ARFIP1: variants seen among roughly 807,000 people sequenced by gnomAD.
ARFIP1 encodes ARF interacting protein 1, also known as arfaptin-1.
A neutral mutation model predicts 42.5 loss-of-function variants in ARFIP1; 24 were observed. The ratio of observed to expected loss-of-function variants is 0.57; its 90% confidence interval spans 0.41 to 0.80. The LOEUF (loss-of-function observed/expected upper bound fraction) is 0.80. Among genes scored for constraint, ARFIP1 ranks in the 30% least tolerant of loss-of-function variants. ARFIP1 has a pLI of 0.00. For missense variants in ARFIP1, 354 were observed against 434.0 expected (o/e 0.82, Z 1.64); for synonymous variants, 141 against 153.7 (o/e 0.92, Z 0.61).
chr4:152,900,262 C>T (rs770127052), intron 8 of ARFIP1, among the ~76,000 whole-genome samples: 5 of 152,026 alleles, frequency 3.3e-5, no homozygotes, highest in Admixed American at 2.0e-4. Flanking sequence ...AGAAAATCTC[C>T]GCACTCAGAA....
chr4:152,903,451 A>T (rs576379647), intron 8 of ARFIP1, among the ~76,000 whole-genome samples: 1 of 152,174 alleles, frequency 6.6e-6, no homozygotes, highest in Admixed American at 6.5e-5. Context: ...CTTATATTTG[A>T]GGATTAAATT....
At chr4:152,799,012 C>T (rs1011586595) in intron 1 of ARFIP1, among the ~76,000 whole-genome samples, 3 of 152,176 alleles carry the variant, frequency 2.0e-5, no homozygotes, top group African/African-American at 7.2e-5. Flanking sequence ...TTACATAGGT[C>T]ACAAAAACTA....
intron 6 of ARFIP1, among the ~76,000 whole-genome samples, chr4:152,881,385 A>AT (rs1270744711): frequency 6.6e-6 from 1 of 152,172 alleles, no homozygotes; most frequent in Non-Finnish European, 1.5e-5. Flanking sequence ...ATGAATTATC[A>AT]TATGTATATA....
At chr4:152,791,461 T>C (rs1360246290) in intron 1 of ARFIP1, among the ~76,000 whole-genome samples, 1 of 152,210 alleles carries the variant, frequency 6.6e-6, no homozygotes, top group Non-Finnish European at 1.5e-5. Context: ...ACTTGAAAAT[T>C]AATATTCAGT....
In ARFIP1 at chr4:152,836,467, T is replaced by C. The variant is rs564458451; in HGVS notation, c.93+6741T>C. ...GAAAAAAAGACTATCCTTCCTCCAC[T>C]GGGGGCTTTGTTTTCAGATGATTGT... On this transcript the variant is annotated intron_variant, in intron 2 of 8. Coordinates refer to ENST00000353617, the MANE Select transcript of ARFIP1 (RefSeq NM_001025595.3). Among the ~76,000 whole-genome samples, 15 of 152,324 alleles carry C rather than the reference T, an allele frequency of 9.8e-5. No individual in the cohort carries two copies. The South Asian group carries it at 2.7e-3, about 27-fold the overall frequency.
intron 3 of ARFIP1, among the ~76,000 whole-genome samples, chr4:152,864,799 A>G (rs1056205753): frequency 6.6e-6 from 1 of 152,198 alleles, no homozygotes; most frequent in Non-Finnish European, 1.5e-5. Flanking sequence ...TAAGGATAGC[A>G]GTTAGACCTG....
intron 1 of ARFIP1, among the ~76,000 whole-genome samples, chr4:152,812,196 TTTG>T (rs1213057657): frequency 6.6e-6 from 1 of 152,168 alleles, no homozygotes; most frequent in Admixed American, 6.5e-5. Context: ...TCTTCTGCCT[TTTG>T]TTGTTGTTGT....
At chr4:152,895,254 C>T (rs1216294081) in intron 8 of ARFIP1, among the ~76,000 whole-genome samples, 1 of 152,134 alleles carries the variant, frequency 6.6e-6, no homozygotes, top group Non-Finnish European at 1.5e-5. Flanking sequence ...ATGGAGTGAA[C>T]TGAAGGCTTC....
At chr4:152,872,805 T>C (rs939195761) in intron 5 of ARFIP1, among the ~76,000 whole-genome samples, 2 of 152,182 alleles carry the variant, frequency 1.3e-5, no homozygotes, top group Non-Finnish European at 2.9e-5. Context: ...ATAATGTACA[T>C]AATTGAAGAC....
rs1738899656 is a variant in ARFIP1 at position 152,912,253 on chromosome 4, A to G, written c.*2034A>G. ...TAGCCAATGGTACATTTACTTTGTT[A>G]GGAATGTAATTTATGTTCATTATAG... On this transcript the variant is annotated 3_prime_UTR_variant, in exon 9 of 9. Coordinates refer to ENST00000353617, the MANE Select transcript of ARFIP1 (RefSeq NM_001025595.3). The G allele has an allele frequency of 6.6e-6, 1 of 152,210 alleles. No homozygotes were observed. The highest frequency in any genetic ancestry group is 1.5e-5 in the Non-Finnish European group (1 of 68,022). The allele number at this position is 152,210 out of a possible 1,614,324, so 9.4% of individuals were successfully genotyped here.
chr4:152,786,036 T>C (rs972803038), intron 1 of ARFIP1, among the ~76,000 whole-genome samples: 1 of 152,242 alleles, frequency 6.6e-6, no homozygotes, highest in African/African-American at 2.4e-5. Context: ...CTGCTACCCA[T>C]GGTGCCTAGC....
chr4:152,868,010 A>C (rs1286538026), intron 3 of ARFIP1, among the ~76,000 whole-genome samples: 2 of 152,244 alleles, frequency 1.3e-5, no homozygotes. Context: ...TCTTATGAAA[A>C]AATGTTAAAG....
chr4:152,849,080 A>G (rs773508519), intron 2 of ARFIP1, among the ~76,000 whole-genome samples: 3 of 152,192 alleles, frequency 2.0e-5, no homozygotes, highest in African/African-American at 4.8e-5. Context: ...CTTTTCAGCT[A>G]TAGGCTATAC....
intron 8 of ARFIP1, among the ~76,000 whole-genome samples, chr4:152,892,810 C>G (rs977713755): frequency 1.3e-5 from 2 of 152,192 alleles, no homozygotes; most frequent in Non-Finnish European, 2.9e-5. Context: ...TTGCCTTTAA[C>G]CTAAACAATC....
chr4:152,848,839 A>C (rs866377905), intron 2 of ARFIP1, among the ~76,000 whole-genome samples: 5 of 152,318 alleles, frequency 3.3e-5, no homozygotes, highest in Middle Eastern at 6.8e-3. Context: ...TTTTCATAGC[A>C]TGTGATTACA....
chr4:152,827,110 A>G (rs1186840027), intron 1 of ARFIP1, among the ~76,000 whole-genome samples: 1 of 152,240 alleles, frequency 6.6e-6, no homozygotes, highest in Non-Finnish European at 1.5e-5. Flanking sequence ...CAATGTGAAT[A>G]TACTTAACAG....
Position 152,908,480 on chromosome 4 carries a change from C to T in ARFIP1, c.967-1584C>T, listed in dbSNP as rs184291140. Among the ~76,000 whole-genome samples the T allele has an allele frequency of 3.3e-5, 5 of 152,058 alleles. No homozygotes were observed. The East Asian group carries it at 5.8e-4, about 18-fold the overall frequency. On this transcript the variant is annotated intron_variant, in intron 8 of 8. Transcript: ENST00000353617. ...AAAAAATTATCCAGGCGTGGTGGTG[C>T]GTGCCTGTAATCCCAGCTACTTGGG... is the stretch of plus-strand genomic sequence containing the variant.
chr4:152,887,242 G>T (rs189764001), intron 7 of ARFIP1, among the ~76,000 whole-genome samples: 1 of 152,088 alleles, frequency 6.6e-6, no homozygotes, highest in Non-Finnish European at 1.5e-5. Flanking sequence ...GGAGTTATGG[G>T]ATCTTGGAGT....
At chr4:152,800,011 T>C (rs918665630) in intron 1 of ARFIP1, among the ~76,000 whole-genome samples, 3 of 152,178 alleles carry the variant, frequency 2.0e-5, no homozygotes, top group African/African-American at 7.2e-5. Context: ...ATCCATGTTA[T>C]GCATTCCTTG....
Sources: allele counts gnomAD v4.1 joint callset (sites outside exome capture counted in the v4.1 genomes callset), GRCh38; gene constraint gnomAD v4.1.1; transcripts MANE v1.5; gene names NCBI Gene and HGNC (gene_info 2026-07-23, HGNC 2026-07-21).